Variants in MTSS1 observed in about 807,000 individuals in gnomAD.
The protein encoded by MTSS1 is MTSS I-BAR domain containing 1, also known as protein MTSS 1.
A neutral mutation model predicts 79.0 loss-of-function variants in MTSS1; 18 were observed. That is an observed-to-expected ratio of 0.23 (90% confidence interval 0.16 to 0.34). The LOEUF (loss-of-function observed/expected upper bound fraction) is 0.34. MTSS1 is among the 10% of genes least tolerant of loss of function. MTSS1 has a pLI of 1.00. For synonymous variants in MTSS1, 341 were observed against 368.6 expected, an observed-to-expected ratio of 0.93 and a Z score of 0.86; for missense variants, 815 against 986.2, an observed-to-expected ratio of 0.83 and a Z score of 2.33.
At chr8:124,606,253 AC>A (rs1563844901) in intron 3 of MTSS1, among the ~76,000 whole-genome samples, 1 of 148,656 alleles carries the variant, frequency 6.7e-6, no homozygotes, top group Non-Finnish European at 1.5e-5. Context: ...GCTCACTGCA[AC>A]CTCTGCCTCC....
chr8:124,704,092 T>C, intron 2 of MTSS1, 38 bp downstream of exon 2: 1 of 1,591,872 alleles, frequency 6.3e-7, no homozygotes, highest in Non-Finnish European at 8.6e-7. Flanking sequence ...TGTCTGAGGA[T>C]GTTGTCCTTT....
At chr8:124,644,753 G>A (rs1405140240) in intron 3 of MTSS1, among the ~76,000 whole-genome samples, 1 of 152,148 alleles carries the variant, frequency 6.6e-6, no homozygotes, top group Admixed American at 6.5e-5. Flanking sequence ...GAATACTATT[G>A]GCAGAATGTT....
chr8:124,726,948 C>T (rs1428170541), intron 1 of MTSS1, among the ~76,000 whole-genome samples: 1 of 152,214 alleles, frequency 6.6e-6, no homozygotes, highest in Admixed American at 6.5e-5. Context: ...GCTCGCGCGG[C>T]TGGTTTTATT....
At chr8:124,630,906 T>C (rs1306293858) in intron 3 of MTSS1, among the ~76,000 whole-genome samples, 1 of 152,230 alleles carries the variant, frequency 6.6e-6, no homozygotes, top group Non-Finnish European at 1.5e-5. Flanking sequence ...CCTTTGGCCA[T>C]GGCATTCTGA....
At chr8:124,622,072 G>A (rs1406475124) in intron 3 of MTSS1, among the ~76,000 whole-genome samples, 13 of 151,124 alleles carry the variant, frequency 8.6e-5, no homozygotes, top group African/African-American at 3.2e-4. Context: ...GAGAGAGAGA[G>A]AGAGAGAGAG....
chr8:124,721,917 G>C (rs1444267482), intron 1 of MTSS1, among the ~76,000 whole-genome samples: 3 of 152,160 alleles, frequency 2.0e-5, no homozygotes, highest in African/African-American at 7.2e-5. Flanking sequence ...CACCTGCCTA[G>C]AACCTCGCCT....
At chr8:124,630,928 A>G (rs1182920898) in intron 3 of MTSS1, among the ~76,000 whole-genome samples, 1 of 152,220 alleles carries the variant, frequency 6.6e-6, no homozygotes, top group East Asian at 1.9e-4. Flanking sequence ...CCTGCTTGGT[A>G]TATTGCAATG....
chr8:124,707,192 C>T (rs1398181590), intron 1 of MTSS1, among the ~76,000 whole-genome samples: 1 of 152,084 alleles, frequency 6.6e-6, no homozygotes, highest in Non-Finnish European at 1.5e-5. Flanking sequence ...CTCCCAAACA[C>T]CAAACACTCC....
intron 3 of MTSS1, among the ~76,000 whole-genome samples, chr8:124,642,113 C>T (rs4007936): frequency 0.096 from 14,608 of 152,188 alleles, 851 homozygotes; most frequent in African/African-American, 0.16. Flanking sequence ...GTTTCAAGTA[C>T]TTAGCATTTC....
chr8:124,574,106 G>T (rs945698203), intron 6 of MTSS1, among the ~76,000 whole-genome samples: 12 of 152,020 alleles, frequency 7.9e-5, no homozygotes, highest in Non-Finnish European at 1.3e-4. Context: ...CAGTATGTCC[G>T]ACTAATTTTT....
intron 1 of MTSS1, among the ~76,000 whole-genome samples, chr8:124,720,074 T>C (rs1832687980): frequency 6.6e-6 from 1 of 152,204 alleles, no homozygotes; most frequent in African/African-American, 2.4e-5. Context: ...TTTAGGGTTA[T>C]CGAGCTTTGA....
At chr8:124,691,646 G>A (rs921032674) in intron 3 of MTSS1, among the ~76,000 whole-genome samples, 6 of 152,044 alleles carry the variant, frequency 3.9e-5, no homozygotes, top group Admixed American at 1.3e-4. Context: ...CTCCCAAGTA[G>A]CTGGGACTAC....
intron 7 of MTSS1, chr8:124,567,496 G>A (rs3857943): frequency 0.67 from 581,214 of 869,508 alleles, 195,575 homozygotes; most frequent in Non-Finnish European, 0.68. Flanking sequence ...GGATCCTGCA[G>A]CACAGCCCTC....
In MTSS1 at chr8:124,557,811, C is replaced by A; in HGVS notation, c.1100G>T (p.Gly367Val). ...SESHVGPTGA[G>V]LFPHCLPASR... ...GGCAGGCAGGCAATGAGGGAAAAGG[C>A]CTGCACCCGTGGGCCCCACGTGGGA... Residue 367 changes from glycine to valine, a missense_variant, in exon 11 of 14, where the codon GGC (glycine) becomes GTC (valine). This residue lies in a region of MTSS1 where 590 missense variants were observed against 620.8 expected (regional missense o/e 0.95). Transcript: ENST00000518547. 6.2e-7 allele frequency: 1 copy of A among 1,604,902 alleles called. No homozygotes were observed. The highest frequency in any genetic ancestry group is 8.5e-7 in the Non-Finnish European group (1 of 1,175,810).
intron 3 of MTSS1, among the ~76,000 whole-genome samples, chr8:124,605,575 C>T (rs1219016404): frequency 7.0e-6 from 1 of 143,714 alleles, no homozygotes; most frequent in African/African-American, 2.9e-5. Context: ...TCGCTGCCTC[C>T]CTCCCTGCCC....
At chr8:124,644,088 C>T (rs1166237631) in intron 3 of MTSS1, among the ~76,000 whole-genome samples, 1 of 152,106 alleles carries the variant, frequency 6.6e-6, no homozygotes, top group Non-Finnish European at 1.5e-5. Context: ...TTTAGGCCCA[C>T]GGTTTGAGTT....
rs541445045 is a variant in MTSS1, at chr8:124,593,568, G to A, written c.209-2333C>T. Among the ~76,000 whole-genome samples, 139 of 152,342 alleles carry A rather than the reference G, an allele frequency of 9.1e-4. 1 individual carries two copies. The highest frequency in any genetic ancestry group is 3.0e-3 in the African/African-American group (125 of 41,578). On this transcript the variant is annotated intron_variant, in intron 3 of 13. Coordinates refer to ENST00000518547, the MANE Select transcript of MTSS1 (RefSeq NM_014751.6). Reference sequence around the variant, plus strand: ...GCACCACCATGCGATGGAATTGCACGTGGTAATTTAAAACACTGGAGAACA... The same window carrying A: ...GCACCACCATGCGATGGAATTGCACATGGTAATTTAAAACACTGGAGAACA...
chr8:124,556,598 C>A, intron 11 of MTSS1, 193 bp from the exon 12 acceptor site: 2 of 627,864 alleles, frequency 3.2e-6, no homozygotes, highest in Non-Finnish European at 5.4e-6. Flanking sequence ...TTGGGAGCCC[C>A]CTGTGTACCT....
Position 124,550,789 on chromosome 8 carries a change from TA to T in MTSS1, c.*2202del, listed in dbSNP as rs1201226921. ...CAAGACTTGAAATACAGGACTTTTTTAATCTAGTGGTTCTTTATTTATAACG... is the reference window on the plus strand; with the variant it reads ...CAAGACTTGAAATACAGGACTTTTTTATCTAGTGGTTCTTTATTTATAACG... On this transcript the variant is annotated 3_prime_UTR_variant, in exon 14 of 14. Transcript: ENST00000518547. 1.3e-5 allele frequency: 2 copies of T among 152,662 alleles called. No homozygotes were observed. Among genetic ancestry groups the T allele is most frequent in the Non-Finnish European group, 2.9e-5 (2 of 68,036 alleles). The allele number at this position is 152,662 out of a possible 1,614,324, so 9.5% of individuals were successfully genotyped here.
Sources: gnomAD v4.1 joint callset for allele counts (sites outside exome capture counted in the v4.1 genomes callset) on GRCh38, gnomAD v4.1.1 for gene constraint, gnomAD v4.1.1 regional missense constraint, MANE v1.5 for transcripts, NCBI Gene and HGNC (gene_info 2026-07-23, HGNC 2026-07-21) for gene names.